ADAM22: variants seen among roughly 807,000 people sequenced by gnomAD.
The protein encoded by ADAM22 is ADAM metallopeptidase domain 22.
Under a neutral mutation model 144.6 loss-of-function variants are expected in ADAM22, and 65 were observed. That is an observed-to-expected ratio of 0.45 (90% confidence interval 0.37 to 0.55). ADAM22 has a LOEUF of 0.55. ADAM22 is among the 20% of genes least tolerant of loss of function. ADAM22 has a pLI of 0.00. For missense variants in ADAM22, 974 were observed against 1,184.9 expected (o/e 0.82, Z 2.61); for synonymous variants, 391 against 412.6 (o/e 0.95, Z 0.63).
chr7:88,184,419 C>T lies in ADAM22; in HGVS notation c.2664-2196C>T, dbSNP rs1280726458. The T allele has an allele frequency of 2.2e-5, 8 of 364,982 alleles. No homozygotes were observed. In the Admixed American group the frequency reaches 2.9e-4, roughly 13 times the overall value. The allele number at this position is 364,982 out of a possible 1,614,324, so 22.6% of individuals were successfully genotyped here. ...GGATCACAGGTCAGTCTCCACCTGC[C>T]CCTTCATTCTGGGCTGCCACTTAAT... is the stretch of plus-strand genomic sequence containing the variant. On this transcript the variant is annotated intron_variant, in intron 29 of 31. Coordinates refer to ENST00000413139, the MANE Select transcript of ADAM22 (RefSeq NM_001324418.2).
At chr7:88,161,893 G>A (rs1252478436) in intron 22 of ADAM22, among the ~76,000 whole-genome samples, 1 of 152,064 alleles carries the variant, frequency 6.6e-6, no homozygotes, top group African/African-American at 2.4e-5. Flanking sequence ...GTGGAAGGCA[G>A]TGTGGCGATT....
intron 2 of ADAM22, among the ~76,000 whole-genome samples, chr7:87,966,494 G>A (rs1295688027): frequency 6.6e-6 from 1 of 152,122 alleles, no homozygotes; most frequent in Non-Finnish European, 1.5e-5. Context: ...GCATAAATAG[G>A]TAATGAGGCT....
intron 8 of ADAM22, 69 bp from the exon 9 acceptor site, chr7:88,128,533 T>C: frequency 7.8e-7 from 1 of 1,276,264 alleles, no homozygotes; most frequent in South Asian, 1.2e-5. Context: ...GTTTCTTCCA[T>C]ATTTTTTAGC....
chr7:88,121,962 C>T (rs1289286792), intron 7 of ADAM22, among the ~76,000 whole-genome samples: 1 of 152,106 alleles, frequency 6.6e-6, no homozygotes, highest in Admixed American at 6.5e-5. Flanking sequence ...ACAAAATGCA[C>T]CTCTTAAGAC....
rs369085391 is a variant in ADAM22 at position 87,973,702 on chromosome 7, T to C, written c.247-4634T>C. Reference sequence around the variant, plus strand: ...TGGAACCAACCCAAATGTCCAACAATGATAGACTGGATTAAGAAAATGTGG... The same window carrying C: ...TGGAACCAACCCAAATGTCCAACAACGATAGACTGGATTAAGAAAATGTGG... On this transcript the variant is annotated intron_variant, in intron 2 of 31. Coordinates refer to ENST00000413139, the MANE Select transcript of ADAM22 (RefSeq NM_001324418.2). 5.3e-4 allele frequency among the ~76,000 whole-genome samples: 81 copies of C among 152,242 alleles called. 1 individual carries two copies. The East Asian group carries it at 0.015, about 29-fold the overall frequency.
At chr7:88,181,181 G>A (rs1846932225) in intron 27 of ADAM22, among the ~76,000 whole-genome samples, 1 of 152,098 alleles carries the variant, frequency 6.6e-6, no homozygotes, top group South Asian at 2.1e-4. Context: ...TGCTGCTGGG[G>A]TGATGCTGAA....
chr7:88,167,424 T>C (rs1379625344), intron 24 of ADAM22, among the ~76,000 whole-genome samples: 1 of 152,124 alleles, frequency 6.6e-6, no homozygotes. Context: ...GGCACAACAA[T>C]GCCATCACTG....
At position 87,990,623 on chromosome 7, in the gene ADAM22, T is replaced by C. The variant is rs751670958; in HGVS notation, c.323+12211T>C. Among the ~76,000 whole-genome samples the C allele has an allele frequency of 3.4e-4, 51 of 152,220 alleles. 2 individuals are homozygous for C. The highest frequency in any genetic ancestry group is 1.0e-4 in the Non-Finnish European group (7 of 68,010). On this transcript the variant is annotated intron_variant, in intron 3 of 31. Transcript: ENST00000413139. ...TTTTTCATTATAGTTTTATCACTTATATATCTATCCCTAAACAAAAGGTAC... is the reference window on the plus strand; with the variant it reads ...TTTTTCATTATAGTTTTATCACTTACATATCTATCCCTAAACAAAAGGTAC...
chr7:88,045,108 C>T (rs1001342735), intron 3 of ADAM22, among the ~76,000 whole-genome samples: 1 of 151,580 alleles, frequency 6.6e-6, no homozygotes, highest in Non-Finnish European at 1.5e-5. Flanking sequence ...ACCTCCGCCT[C>T]CCGGGTTCAG....
intron 3 of ADAM22, among the ~76,000 whole-genome samples, chr7:88,016,225 AT>A (rs34061405): frequency 6.6e-6 from 1 of 151,940 alleles, no homozygotes; most frequent in Non-Finnish European, 1.5e-5. Flanking sequence ...AAGCTTCTTG[AT>A]TTTTTTCTAG....
intron 5 of ADAM22, among the ~76,000 whole-genome samples, chr7:88,111,263 G>A (rs1825969873): frequency 6.6e-6 from 1 of 152,010 alleles, no homozygotes; most frequent in African/African-American, 2.4e-5. Context: ...TTGGGGGGAT[G>A]TTATGAAATA....
intron 3 of ADAM22, among the ~76,000 whole-genome samples, chr7:88,055,767 A>G (rs1004164175): frequency 5.3e-5 from 8 of 151,942 alleles, no homozygotes; most frequent in African/African-American, 1.7e-4. Flanking sequence ...TCCCTAACAC[A>G]CCTTTCATAA....
At chr7:88,002,739 C>T (rs977820252) in intron 3 of ADAM22, among the ~76,000 whole-genome samples, 2 of 152,128 alleles carry the variant, frequency 1.3e-5, no homozygotes, top group Non-Finnish European at 2.9e-5. Context: ...TTCCTTTATG[C>T]ACCTTGGAGG....
At chr7:88,084,897 C>T (rs955351852) in intron 4 of ADAM22, among the ~76,000 whole-genome samples, 5 of 152,090 alleles carry the variant, frequency 3.3e-5, no homozygotes, top group Admixed American at 3.3e-4. Context: ...TGGTTTCTGC[C>T]GAGGCCTCTC....
At chr7:88,053,221 T>G (rs1466430649) in intron 3 of ADAM22, among the ~76,000 whole-genome samples, 1 of 152,114 alleles carries the variant, frequency 6.6e-6, no homozygotes, top group Non-Finnish European at 1.5e-5. Flanking sequence ...GTTGGCATAT[T>G]AGGTACATCC....
At chr7:88,046,040 T>A (rs1158028877) in intron 3 of ADAM22, among the ~76,000 whole-genome samples, 1 of 152,114 alleles carries the variant, frequency 6.6e-6, no homozygotes, top group African/African-American at 2.4e-5. Flanking sequence ...AGTGCAGATA[T>A]CTCTTTGACA....
At chr7:88,055,329 A>G (rs1327831990) in intron 3 of ADAM22, among the ~76,000 whole-genome samples, 1 of 151,970 alleles carries the variant, frequency 6.6e-6, no homozygotes. Flanking sequence ...GTCAGGAAGT[A>G]GAGATCAGCC....
chr7:88,008,089 G>A (rs1794416799), intron 3 of ADAM22, among the ~76,000 whole-genome samples: 1 of 152,148 alleles, frequency 6.6e-6, no homozygotes, highest in Non-Finnish European at 1.5e-5. Flanking sequence ...AGTGGGCAAA[G>A]GACATGGACA....
chr7:88,055,483 T>C (rs1388927248), intron 3 of ADAM22, among the ~76,000 whole-genome samples: 1 of 152,184 alleles, frequency 6.6e-6, no homozygotes, highest in African/African-American at 2.4e-5. Flanking sequence ...TTTCCTTTTT[T>C]ACAGTCTAGA....
Sources: allele counts gnomAD v4.1 joint callset (sites outside exome capture counted in the v4.1 genomes callset), GRCh38; gene constraint gnomAD v4.1.1; transcripts MANE v1.5; gene names NCBI Gene and HGNC (gene_info 2026-07-23, HGNC 2026-07-21).